The following PDE7B variants were observed in gnomAD, a reference collection of about 807,000 sequenced individuals.
PDE7B encodes the protein 3',5'-cyclic-AMP phosphodiesterase 7B.
Under a neutral mutation model 56.2 loss-of-function variants are expected in PDE7B, and 29 were observed. The observed-to-expected ratio is 0.52, with a 90% CI of 0.38 to 0.70. The LOEUF is 0.70. PDE7B is among the 30% of genes least tolerant of loss of function. The pLI is 0.00. For synonymous variants in PDE7B, 197 were observed against 196.9 expected, an observed-to-expected ratio of 1.00 and a Z score of 0.00; for missense variants, 490 against 565.0, an observed-to-expected ratio of 0.87 and a Z score of 1.35.
chr6:135,941,314 ATTTTG>A (rs1167460298), intron 1 of PDE7B, among the ~76,000 whole-genome samples: 1 of 152,068 alleles, frequency 6.6e-6, no homozygotes, highest in Non-Finnish European at 1.5e-5. Flanking sequence ...GTTCTGGTTG[ATTTTG>A]TTTTAACATG....
chr6:136,143,088 C>T (rs1020782276), intron 3 of PDE7B, among the ~76,000 whole-genome samples: 1 of 152,102 alleles, frequency 6.6e-6, no homozygotes, highest in Non-Finnish European at 1.5e-5. Flanking sequence ...GTGGCTGGTA[C>T]TGGTTGTTCC....
intron 3 of PDE7B, 31 bp downstream of exon 3, chr6:136,108,845 A>G: frequency 7.6e-7 from 1 of 1,309,624 alleles, no homozygotes; most frequent in Non-Finnish European, 1.1e-6. Context: ...GGAAAGGAAC[A>G]AACGTTTTCT....
chr6:136,048,284 G>C (rs920399865), intron 2 of PDE7B, among the ~76,000 whole-genome samples: 3 of 152,156 alleles, frequency 2.0e-5, no homozygotes, highest in Non-Finnish European at 2.9e-5. Flanking sequence ...AGCACTTTGG[G>C]AGGCCGAGGC....
chr6:136,108,721 T>G lies in PDE7B; in HGVS notation c.83-10T>G, dbSNP rs1777694951. 2 of 1,583,690 alleles carry G rather than the reference T, an allele frequency of 1.3e-6. No individual in the cohort carries two copies. The highest frequency in any genetic ancestry group is 2.7e-5 in the African/African-American group (2 of 74,438). On this transcript the variant is annotated splice_polypyrimidine_tract_variant and intron_variant, in intron 2 of 12. Coordinates refer to ENST00000308191, the MANE Select transcript of PDE7B (RefSeq NM_018945.4). ...TTTTCAAGCCTTTGTTTGGATTTTCTGTTTTCTAGGAGATATACGACTAAG... is the reference window on the plus strand; with the variant it reads ...TTTTCAAGCCTTTGTTTGGATTTTCGGTTTTCTAGGAGATATACGACTAAG...
chr6:135,951,862 A>T (rs965095828), intron 2 of PDE7B, among the ~76,000 whole-genome samples: 6 of 152,178 alleles, frequency 3.9e-5, no homozygotes, highest in African/African-American at 1.4e-4. Flanking sequence ...GGGAGTATTC[A>T]TATTAGTCAG....
At chr6:136,102,239 T>TA (rs1399056986) in intron 2 of PDE7B, among the ~76,000 whole-genome samples, 2 of 129,730 alleles carry the variant, frequency 1.5e-5, no homozygotes, top group African/African-American at 5.7e-5. Flanking sequence ...AAAATCCTCC[T>TA]AAAAATACCA....
chr6:136,044,423 A>G (rs558098282), intron 2 of PDE7B: 5 of 152,220 alleles, frequency 3.3e-5, no homozygotes, highest in Non-Finnish European at 5.9e-5. Flanking sequence ...AGATGCATGA[A>G]TGAACATCTT....
At chr6:135,895,196 C>T (rs761607322) in intron 1 of PDE7B, among the ~76,000 whole-genome samples, 2 of 151,858 alleles carry the variant, frequency 1.3e-5, no homozygotes, top group African/African-American at 2.4e-5. Flanking sequence ...TTAGAAGGCA[C>T]ATGTAACAAA....
intron 1 of PDE7B, among the ~76,000 whole-genome samples, chr6:135,906,371 T>A (rs1776105114): frequency 6.6e-6 from 1 of 152,384 alleles, no homozygotes; most frequent in South Asian, 2.1e-4. Context: ...GCTATGATTT[T>A]ACAAAGTTAG....
chr6:136,016,699 TG>T (rs1361917553), intron 2 of PDE7B, among the ~76,000 whole-genome samples: 1 of 151,458 alleles, frequency 6.6e-6, no homozygotes, highest in East Asian at 1.9e-4. Context: ...AAGTATGGGG[TG>T]GGCAGGCCTC....
chr6:135,923,448 T>TAAAATTGAC (rs1162841962), intron 1 of PDE7B, among the ~76,000 whole-genome samples: 1 of 152,234 alleles, frequency 6.6e-6, no homozygotes, highest in East Asian at 1.9e-4. Flanking sequence ...AAGTGATTTG[T>TAAAATTGAC]ATTATATATG....
At chr6:136,171,646 T>C (rs1562512593) in intron 8 of PDE7B, among the ~76,000 whole-genome samples, 1 of 152,058 alleles carries the variant, frequency 6.6e-6, no homozygotes, top group Non-Finnish European at 1.5e-5. Context: ...TTTTTTTTAT[T>C]ATTATTATAC....
chr6:136,152,166 G>A (rs1778531860), intron 6 of PDE7B, among the ~76,000 whole-genome samples: 1 of 152,048 alleles, frequency 6.6e-6, no homozygotes, highest in Non-Finnish European at 1.5e-5. Flanking sequence ...GTTCTCAAGG[G>A]TCAAGTGTAG....
chr6:136,118,818 A>G (rs993714185), intron 3 of PDE7B, among the ~76,000 whole-genome samples: 1 of 152,198 alleles, frequency 6.6e-6, no homozygotes, highest in Non-Finnish European at 1.5e-5. Flanking sequence ...TCCTTTTGGT[A>G]TTAAATGACT....
At chr6:136,071,601 G>A (rs1439029617) in intron 2 of PDE7B, among the ~76,000 whole-genome samples, 2 of 152,200 alleles carry the variant, frequency 1.3e-5, no homozygotes, top group Non-Finnish European at 2.9e-5. Flanking sequence ...TTCTCTGGAT[G>A]TCAGTTTTCT....
intron 2 of PDE7B, among the ~76,000 whole-genome samples, chr6:136,108,457 ACTTTTGTCTTTTTAT>A (rs1342298349): frequency 1.6e-4 from 24 of 152,134 alleles, no homozygotes; most frequent in African/African-American, 5.3e-4. Context: ...GCATAAAAAG[ACTTTTGTCTTTTTAT>A]GGAAATTTGT....
chr6:136,092,427 T>C (rs1777403291), intron 2 of PDE7B, among the ~76,000 whole-genome samples: 1 of 152,186 alleles, frequency 6.6e-6, no homozygotes, highest in Non-Finnish European at 1.5e-5. Flanking sequence ...ATTGTCTAAA[T>C]TTTCAAATAG....
At chr6:135,976,199 T>G (rs4896190) in intron 2 of PDE7B, among the ~76,000 whole-genome samples, 44,346 of 152,052 alleles carry the variant, frequency 0.29, 8,029 homozygotes, top group Admixed American at 0.47. Context: ...GAAAAATTCT[T>G]ATCAAATGTT....
chr6:136,002,050 A>T (rs1775678943), intron 2 of PDE7B, among the ~76,000 whole-genome samples: 1 of 152,232 alleles, frequency 6.6e-6, no homozygotes, highest in African/African-American at 2.4e-5. Context: ...AATATTCGAT[A>T]TTCTTAAAGA....
Sources: allele counts gnomAD v4.1 joint callset (sites outside exome capture counted in the v4.1 genomes callset), GRCh38; gene constraint gnomAD v4.1.1; transcripts MANE v1.5; gene names NCBI Gene and HGNC (gene_info 2026-07-23, HGNC 2026-07-21).